PCSK6: variants seen among roughly 807,000 people sequenced by gnomAD.
PCSK6 encodes the protein paired basic amino acid cleaving enzyme 4.
PCSK6 carries 85 observed loss-of-function variants against 123.3 expected under a neutral mutation model. That is an observed-to-expected ratio of 0.69 (90% CI 0.58 to 0.83). PCSK6 has a LOEUF of 0.83. PCSK6 is among the 40% of genes least tolerant of loss of function. PCSK6 has a pLI of 0.00. For synonymous variants in PCSK6, 508 were observed against 516.0 expected (o/e 0.98, Z 0.21); for missense variants, 1,191 against 1,282.3 (o/e 0.93, Z 1.09).
intron 8 of PCSK6, among the ~76,000 whole-genome samples, chr15:101,390,470 C>G (rs7175712): frequency 0.44 from 50,650 of 115,216 alleles, 16,146 homozygotes; most frequent in Non-Finnish European, 0.54. Context: ...AGTAGACCTG[C>G]TGCCACCACA....
At chr15:101,396,353 C>T (rs1327133615) in intron 7 of PCSK6, among the ~76,000 whole-genome samples, 8 of 152,232 alleles carry the variant, frequency 5.3e-5, no homozygotes, top group East Asian at 1.9e-4. Flanking sequence ...AGAGCCCGAA[C>T]GATCACTGCC....
At chr15:101,365,158 A>G in intron 13 of PCSK6, 1 of 533,184 alleles carries the variant, frequency 1.9e-6, no homozygotes, top group Admixed American at 2.6e-5. Context: ...AAATGGATCA[A>G]AGTCCTACAT....
chr15:101,485,185 G>A (rs779242979), intron 1 of PCSK6, among the ~76,000 whole-genome samples: 10 of 152,294 alleles, frequency 6.6e-5, no homozygotes, highest in East Asian at 1.9e-4. Flanking sequence ...AACCCCCAGC[G>A]AACTTGAGTG....
chr15:101,462,509 A>C (rs867714017), intron 1 of PCSK6, among the ~76,000 whole-genome samples: 1 of 152,220 alleles, frequency 6.6e-6, no homozygotes, highest in African/African-American at 2.4e-5. Context: ...GCCCCACCAC[A>C]TATCAAGCCT....
chr15:101,484,231 T>TA, intron 1 of PCSK6, among the ~76,000 whole-genome samples: 1 of 152,214 alleles, frequency 6.6e-6, no homozygotes, highest in East Asian at 1.9e-4. Context: ...ACACTGCAGA[T>TA]AAAGTTTGAA....
chr15:101,438,009 A>G (rs1396075143), intron 2 of PCSK6, among the ~76,000 whole-genome samples: 1 of 152,160 alleles, frequency 6.6e-6, no homozygotes, highest in East Asian at 1.9e-4. Context: ...AGAAGAGGAG[A>G]TTAGGACAGA....
chr15:101,338,138 C>T (rs191732320), intron 13 of PCSK6, among the ~76,000 whole-genome samples: 59 of 152,284 alleles, frequency 3.9e-4, no homozygotes, highest in East Asian at 2.5e-3. Context: ...AATACCCAGG[C>T]GAGGGACCAC....
chr15:101,347,078 G>C (rs2040753122), intron 13 of PCSK6: 8 of 1,231,730 alleles, frequency 6.5e-6, no homozygotes, highest in Non-Finnish European at 7.1e-6. Context: ...AGTGTGCCAA[G>C]TTCTTCAGCT....
chr15:101,366,242 C>A lies in PCSK6; in HGVS notation c.1812G>T (p.Leu604Phe). Residue 604 changes from leucine (L) to phenylalanine (F), a missense_variant, in exon 13 of 22, where the codon TTG becomes TTT. Physicochemically the swap from Leu to Phe is conservative, Grantham distance 22. Transcript: ENST00000611716. ...WGEKAEGQWT[L>F]EIQDLPSQVR... is the part of the protein sequence containing the mutation. ...CCTGGGATGGCAGATCTTGGATTTCCAAGGTCCACTGCCCTTCAGCCTTTT... is the reference window on the plus strand; with the variant it reads ...CCTGGGATGGCAGATCTTGGATTTCAAAGGTCCACTGCCCTTCAGCCTTTT... 6.2e-7 allele frequency: 1 copy of A among 1,613,570 alleles called. No individual in the cohort carries two copies. The highest frequency in any genetic ancestry group is 1.1e-5 in the South Asian group (1 of 91,004).
intron 12 of PCSK6, 134 bp from the exon 13 acceptor site, chr15:101,366,466 G>A (rs2041395380): frequency 1.8e-5 from 15 of 823,048 alleles, no homozygotes; most frequent in Non-Finnish European, 2.5e-5. Flanking sequence ...CGGGGGTCTG[G>A]CCCCAGCCAA....
chr15:101,407,710 G>A (rs903047420), intron 6 of PCSK6, among the ~76,000 whole-genome samples: 34 of 152,092 alleles, frequency 2.2e-4, no homozygotes, highest in African/African-American at 6.8e-4. Flanking sequence ...CCTCTGGCCC[G>A]TGTCTTCCCC....
At chr15:101,463,297 C>T (rs1186993993) in intron 1 of PCSK6, among the ~76,000 whole-genome samples, 3 of 152,174 alleles carry the variant, frequency 2.0e-5, no homozygotes, top group African/African-American at 7.2e-5. Flanking sequence ...CCCCCTTCTA[C>T]AGGGTAACTT....
chr15:101,472,953 G>A (rs1476631506), intron 1 of PCSK6, among the ~76,000 whole-genome samples: 1 of 152,216 alleles, frequency 6.6e-6, no homozygotes, highest in Non-Finnish European at 1.5e-5. Flanking sequence ...GTTAAGACCT[G>A]GCTTGTGATA....
At chr15:101,448,848 A>G (rs2056959516) in intron 1 of PCSK6, among the ~76,000 whole-genome samples, 1 of 152,210 alleles carries the variant, frequency 6.6e-6, no homozygotes, top group African/African-American at 2.4e-5. Flanking sequence ...TACCCTCAGC[A>G]TGTGTGCACT....
At chr15:101,313,647 T>C (rs1275683679) in intron 19 of PCSK6, 142 bp from the exon 20 acceptor site, 2 of 1,306,686 alleles carry the variant, frequency 1.5e-6, no homozygotes, top group East Asian at 4.9e-5. Flanking sequence ...TCCCAGGTTC[T>C]GTGAGCTGGG....
intron 13 of PCSK6, chr15:101,365,890 G>T (rs889910769): frequency 2.6e-4 from 58 of 221,112 alleles, no homozygotes; most frequent in Admixed American, 4.6e-4. Flanking sequence ...ATTAGAGGTT[G>T]CCAGGAGCTG....
chr15:101,396,000 T>C (rs1596285597), intron 7 of PCSK6, among the ~76,000 whole-genome samples: 2 of 152,274 alleles, frequency 1.3e-5, no homozygotes, highest in East Asian at 3.9e-4. Context: ...TACAGAAGAC[T>C]GTAGGCGACA....
chr15:101,344,575 G>A (rs2040688793), intron 13 of PCSK6, among the ~76,000 whole-genome samples: 1 of 152,212 alleles, frequency 6.6e-6, no homozygotes, highest in Admixed American at 6.5e-5. Context: ...CCACAGGCAA[G>A]GGAGTCTGTG....
At chr15:101,395,424 T>C (rs1171684678) in intron 7 of PCSK6, among the ~76,000 whole-genome samples, 1 of 152,172 alleles carries the variant, frequency 6.6e-6, no homozygotes, top group African/African-American at 2.4e-5. Flanking sequence ...AAGGTTTGCA[T>C]TTACAGCATG....
Sources: allele counts gnomAD v4.1 joint callset (sites outside exome capture counted in the v4.1 genomes callset), GRCh38; gene constraint gnomAD v4.1.1; transcripts MANE v1.5; gene names NCBI Gene and HGNC (gene_info 2026-07-23, HGNC 2026-07-21).